The following ADAMTSL1 variants were observed in gnomAD, a reference collection of about 807,000 sequenced individuals.
ADAMTSL1 encodes the protein ADAMTS-like protein 1.
ADAMTSL1 carries 126 observed loss-of-function variants against 201.8 expected under a neutral mutation model. That is an observed-to-expected ratio of 0.62 (90% CI 0.54 to 0.72). ADAMTSL1 has a LOEUF of 0.72. Among genes scored for constraint, ADAMTSL1 ranks in the 30% least tolerant of loss-of-function variants. ADAMTSL1 has a pLI of 0.00. For synonymous variants in ADAMTSL1, 1,121 were observed against 903.4 expected, an observed-to-expected ratio of 1.24 and a Z score of -4.32; for missense variants, 2,679 against 2,277.8, an observed-to-expected ratio of 1.18 and a Z score of -3.59.
At chr9:18,130,186 G>A (rs912748218) in intron 1 of ADAMTSL1, among the ~76,000 whole-genome samples, 1 of 152,074 alleles carries the variant, frequency 6.6e-6, no homozygotes, top group Non-Finnish European at 1.5e-5. Context: ...TTGCTCCACA[G>A]GCCTCCCTCT....
chr9:18,189,670 G>A (rs1452561091), intron 2 of ADAMTSL1, among the ~76,000 whole-genome samples: 2 of 152,082 alleles, frequency 1.3e-5, no homozygotes, highest in East Asian at 3.9e-4. Context: ...TAGGGTAAAA[G>A]CCTGATAGCA....
chr9:18,549,970 G>C (rs1820701491), intron 3 of ADAMTSL1, among the ~76,000 whole-genome samples: 1 of 151,994 alleles, frequency 6.6e-6, no homozygotes, highest in Non-Finnish European at 1.5e-5. Flanking sequence ...ATTAAAGGCT[G>C]AGAAGCTCTG....
At chr9:18,429,317 C>A (rs1819377506) in intron 2 of ADAMTSL1, among the ~76,000 whole-genome samples, 1 of 152,112 alleles carries the variant, frequency 6.6e-6, no homozygotes, top group Non-Finnish European at 1.5e-5. Flanking sequence ...CACAACCTTA[C>A]TGTGATTGCA....
intron 7 of ADAMTSL1, among the ~76,000 whole-genome samples, chr9:18,642,861 G>T (rs1467272290): frequency 6.6e-6 from 1 of 151,846 alleles, no homozygotes; most frequent in Admixed American, 6.6e-5. Context: ...TCACATCTTG[G>T]CTGTTGTGAC....
intron 23 of ADAMTSL1, among the ~76,000 whole-genome samples, chr9:18,839,851 TC>T (rs1268069441): frequency 4.6e-5 from 7 of 151,002 alleles, no homozygotes; most frequent in Non-Finnish European, 8.9e-5. Context: ...AAGTGTCTGT[TC>T]ATGTCCTTCG....
chr9:18,204,489 G>A (rs1178842793), intron 2 of ADAMTSL1, among the ~76,000 whole-genome samples: 1 of 152,046 alleles, frequency 6.6e-6, no homozygotes, highest in Non-Finnish European at 1.5e-5. Flanking sequence ...CCAGTCTTGG[G>A]CAGTTCTTCA....
chr9:18,274,184 A>G (rs1438871562), intron 2 of ADAMTSL1, among the ~76,000 whole-genome samples: 1 of 152,244 alleles, frequency 6.6e-6, no homozygotes, highest in Non-Finnish European at 1.5e-5. Flanking sequence ...CAGGTGTGTC[A>G]TGGGAAGAAA....
At chr9:18,419,838 T>C (rs1322770622) in intron 2 of ADAMTSL1, among the ~76,000 whole-genome samples, 2 of 151,402 alleles carry the variant, frequency 1.3e-5, no homozygotes, top group East Asian at 3.9e-4. Flanking sequence ...CAAGCTATTC[T>C]CCTGCCTCAG....
chr9:18,256,628 T>G (rs1025290665), intron 2 of ADAMTSL1, among the ~76,000 whole-genome samples: 3 of 152,198 alleles, frequency 2.0e-5, no homozygotes, highest in African/African-American at 7.2e-5. Flanking sequence ...AAGGAGCCAG[T>G]GCTATAGTAG....
intron 3 of ADAMTSL1, among the ~76,000 whole-genome samples, chr9:18,551,872 G>C (rs1158085538): frequency 6.6e-6 from 1 of 151,718 alleles, no homozygotes; most frequent in Admixed American, 6.6e-5. Context: ...CTGTTTTCAA[G>C]TATGATGCCT....
chr9:18,583,704 C>G (rs561387176), intron 4 of ADAMTSL1, among the ~76,000 whole-genome samples: 1 of 152,170 alleles, frequency 6.6e-6, no homozygotes, highest in Non-Finnish European at 1.5e-5. Context: ...TGCAGAGCCA[C>G]CAGGACGGAG....
At chr9:18,416,112 G>A (rs1052383040) in intron 2 of ADAMTSL1, among the ~76,000 whole-genome samples, 3 of 151,996 alleles carry the variant, frequency 2.0e-5, no homozygotes, top group African/African-American at 7.2e-5. Flanking sequence ...AGAAAGGAAT[G>A]AAGAACACTG....
intron 8 of ADAMTSL1, among the ~76,000 whole-genome samples, chr9:18,660,958 A>G (rs1829053145): frequency 1.3e-5 from 2 of 152,128 alleles, no homozygotes; most frequent in Non-Finnish European, 2.9e-5. Flanking sequence ...GCTTCCTAAT[A>G]TGTATTTAGC....
chr9:18,294,941 T>C (rs1471198676), intron 2 of ADAMTSL1, among the ~76,000 whole-genome samples: 2 of 152,142 alleles, frequency 1.3e-5, no homozygotes, highest in African/African-American at 4.8e-5. Context: ...CTCTTCCTCT[T>C]TGCTCCTTCT....
intron 2 of ADAMTSL1, among the ~76,000 whole-genome samples, chr9:18,513,559 A>T (rs191594092): frequency 1.3e-4 from 20 of 152,244 alleles, no homozygotes; most frequent in Non-Finnish European, 2.5e-4. Context: ...TAGCTGAGAG[A>T]TCATTGCCAA....
At chr9:18,841,373 C>A (rs1460010033) in intron 23 of ADAMTSL1, among the ~76,000 whole-genome samples, 1 of 152,122 alleles carries the variant, frequency 6.6e-6, no homozygotes, top group Non-Finnish European at 1.5e-5. Context: ...AGACTTGCAT[C>A]CCAAGGATGA....
At chr9:18,751,791 T>C (rs933682598) in intron 15 of ADAMTSL1, among the ~76,000 whole-genome samples, 2 of 152,252 alleles carry the variant, frequency 1.3e-5, no homozygotes, top group African/African-American at 2.4e-5. Context: ...TGAAAGACAT[T>C]TTGAAGGGCA....
chr9:18,032,701 C>T (rs1000398281), intron 1 of ADAMTSL1, among the ~76,000 whole-genome samples: 5 of 152,222 alleles, frequency 3.3e-5, no homozygotes, highest in Admixed American at 2.0e-4. Flanking sequence ...CAAGACCAAG[C>T]TCTTCCTCTA....
chr9:18,901,675 A>G (rs1229965565), intron 26 of ADAMTSL1, among the ~76,000 whole-genome samples: 1 of 152,214 alleles, frequency 6.6e-6, no homozygotes, highest in Non-Finnish European at 1.5e-5. Context: ...AAGAAGAATG[A>G]GAAAGGAAGC....
Sources: allele counts gnomAD v4.1 joint callset (sites outside exome capture counted in the v4.1 genomes callset), GRCh38; gene constraint gnomAD v4.1.1; transcripts MANE v1.5; gene names NCBI Gene and HGNC (gene_info 2026-07-23, HGNC 2026-07-21).